SNRPE: variants seen among roughly 807,000 people sequenced by gnomAD.
SNRPE encodes small nuclear ribonucleoprotein polypeptide E.
For missense variants in SNRPE, 53 were observed against 111.6 expected (o/e 0.48, Z 2.36); for synonymous variants, 35 against 36.7 (o/e 0.95, Z 0.17).
chr1:203,863,533 A>G, intron 2 of SNRPE, 130 bp from the exon 3 acceptor site: 1 of 668,128 alleles, frequency 1.5e-6, no homozygotes, highest in Non-Finnish European at 2.7e-6. Context: ...GTTAACGAGG[A>G]TGGTCTCTAT....
chr1:203,861,939 A>C (rs897567543), intron 1 of SNRPE: 5 of 613,236 alleles, frequency 8.2e-6, no homozygotes, highest in Non-Finnish European at 1.5e-5. Flanking sequence ...CGGCAAAAGG[A>C]GGGAAGAGAA....
rs996293401 is a variant in SNRPE, at chr1:203,870,095, T to C, written c.*163T>C. On this transcript the variant is annotated 3_prime_UTR_variant, in exon 5 of 5. Coordinates refer to ENST00000414487, the MANE Select transcript of SNRPE (RefSeq NM_003094.4). Reference sequence around the variant, plus strand: ...GTTTGTATTAAAAAATTTACATTGCTTCTTACTATTCAGCAGTAGAAACTT... The same window carrying C: ...GTTTGTATTAAAAAATTTACATTGCCTCTTACTATTCAGCAGTAGAAACTT... 3 of 522,148 alleles carry C rather than the reference T, an allele frequency of 5.7e-6. No individual in the cohort carries two copies. Among genetic ancestry groups the C allele is most frequent in the African/African-American group, 2.0e-5 (1 of 50,708 alleles). The allele number at this position is 522,148 out of a possible 1,614,324, so 32.3% of individuals were successfully genotyped here.
At chr1:203,862,591 C>A (rs1175470925) in intron 2 of SNRPE, among the ~76,000 whole-genome samples, 1 of 152,096 alleles carries the variant, frequency 6.6e-6, no homozygotes, top group Non-Finnish European at 1.5e-5. Context: ...GAAGAAAAAC[C>A]CAGCCAACTT....
intron 4 of SNRPE, among the ~76,000 whole-genome samples, chr1:203,868,091 T>A (rs1056801250): frequency 3.4e-5 from 4 of 117,658 alleles, no homozygotes; most frequent in African/African-American, 6.2e-5. Context: ...ACAGAGTCTC[T>A]GTCGCTCAGG....
At chr1:203,866,218 A>G (rs550941873) in intron 4 of SNRPE, among the ~76,000 whole-genome samples, 2 of 152,214 alleles carry the variant, frequency 1.3e-5, no homozygotes, top group Non-Finnish European at 2.9e-5. Flanking sequence ...TAGAGATTCT[A>G]AGGATTTTAG....
intron 4 of SNRPE, 149 bp downstream of exon 4, chr1:203,865,268 A>G (rs1045850707): frequency 2.0e-5 from 14 of 701,036 alleles, no homozygotes; most frequent in Non-Finnish European, 2.8e-5. Flanking sequence ...ATCATCCTCT[A>G]CTACTCACTC....
intron 1 of SNRPE, 89 bp from the exon 2 acceptor site, chr1:203,862,107 A>G (rs1170890065): frequency 2.8e-6 from 3 of 1,056,748 alleles, no homozygotes; most frequent in Non-Finnish European, 4.4e-6. Context: ...TTAGTAAACA[A>G]AGGTGAGACG....
At chr1:203,869,839 G>GTGGCTA in intron 4 of SNRPE, 38 bp from the exon 5 acceptor site, 1 of 1,456,624 alleles carries the variant, frequency 6.9e-7, no homozygotes, top group Non-Finnish European at 9.5e-7. Context: ...ATCTGAGTGT[G>GTGGCTA]TGGCTATTAA....
At position 203,869,998 on chromosome 1, in the gene SNRPE, A is replaced by G. The variant is rs1450538085; in HGVS notation, c.*66A>G. 2.1e-5 allele frequency: 21 copies of G among 978,198 alleles called. No individual in the cohort carries two copies. The highest frequency in any genetic ancestry group is 7.4e-5 in the East Asian group (3 of 40,316). 60.6% of individuals were successfully genotyped at this position (978,198 alleles called of 1,614,324 possible). ...TTTGTTTTTAGATGTCCTTTGTCCA[A>G]TGTGAACATTTATTCATATTGTTTT... On this transcript the variant is annotated 3_prime_UTR_variant, in exon 5 of 5. Transcript: ENST00000414487.
chr1:203,865,449 G>T (rs1413179403), intron 4 of SNRPE, among the ~76,000 whole-genome samples: 1 of 152,156 alleles, frequency 6.6e-6, no homozygotes, highest in African/African-American at 2.4e-5. Flanking sequence ...CCGTGTCTGA[G>T]TGGCAGGAAA....
Position 203,870,116 on chromosome 1 carries a change from A to T in SNRPE, c.*184A>T. 2.0e-6 allele frequency: 1 copy of T among 495,212 alleles called. No homozygotes were observed. The highest frequency in any genetic ancestry group is 3.6e-6 in the Non-Finnish European group (1 of 281,452). The allele number at this position is 495,212 out of a possible 1,614,324, so 30.7% of individuals were successfully genotyped here. On this transcript the variant is annotated 3_prime_UTR_variant, in exon 5 of 5. Transcript: ENST00000414487. ...TTGCTTCTTACTATTCAGCAGTAGA[A>T]ACTTTTTACACAGTAACACCATTCG... is the stretch of plus-strand genomic sequence containing the variant.
At chr1:203,867,130 A>AAAAAAG (rs1296991934) in intron 4 of SNRPE, among the ~76,000 whole-genome samples, 1 of 149,390 alleles carries the variant, frequency 6.7e-6, no homozygotes, top group Non-Finnish European at 1.5e-5. Context: ...AAAAAAAAAA[A>AAAAAAG]TTAGCTGGGC....
At chr1:203,866,832 C>T (rs1041613215) in intron 4 of SNRPE, among the ~76,000 whole-genome samples, 5 of 151,944 alleles carry the variant, frequency 3.3e-5, no homozygotes, top group African/African-American at 4.8e-5. Context: ...CTGCTCATCT[C>T]GTATCACTGC....
Sources: gnomAD v4.1 joint callset for allele counts (sites outside exome capture counted in the v4.1 genomes callset) on GRCh38, gnomAD v4.1.1 for gene constraint, MANE v1.5 for transcripts, NCBI Gene and HGNC (gene_info 2026-07-23, HGNC 2026-07-21) for gene names.